The following SGCD variants were observed in gnomAD, a reference collection of about 807,000 sequenced individuals.
SGCD encodes sarcoglycan delta.
Under a neutral mutation model 36.6 loss-of-function variants are expected in SGCD, and 18 were observed. The observed-to-expected ratio is 0.49, with a 90% CI of 0.34 to 0.73. SGCD has a LOEUF of 0.73. Among genes scored for constraint, SGCD ranks in the 30% least tolerant of loss-of-function variants. The pLI is 0.01. For synonymous variants in SGCD, 133 were observed against 130.6 expected, an observed-to-expected ratio of 1.02 and a Z score of -0.12; for missense variants, 387 against 346.7, an observed-to-expected ratio of 1.12 and a Z score of -0.92.
chr5:156,678,469 A>T (rs918054936), intron 7 of SGCD, among the ~76,000 whole-genome samples: 3 of 152,240 alleles, frequency 2.0e-5, no homozygotes, highest in African/African-American at 7.2e-5. Flanking sequence ...AAGGTTTTAG[A>T]TAAATACATA....
chr5:156,686,623 G>A (rs1468851431), intron 7 of SGCD, among the ~76,000 whole-genome samples: 1 of 152,198 alleles, frequency 6.6e-6, no homozygotes, highest in Non-Finnish European at 1.5e-5. Context: ...TTACTCAGAT[G>A]CTGACAGGTT....
At chr5:156,606,202 C>T (rs1761444853) in intron 6 of SGCD, among the ~76,000 whole-genome samples, 1 of 152,092 alleles carries the variant, frequency 6.6e-6, no homozygotes, top group Admixed American at 6.5e-5. Flanking sequence ...GTCTTTAATC[C>T]ATCTTGAATT....
At chr5:156,186,812 C>A (rs546922657) in intron 3 of SGCD, among the ~76,000 whole-genome samples, 1 of 152,158 alleles carries the variant, frequency 6.6e-6, no homozygotes, top group Non-Finnish European at 1.5e-5. Flanking sequence ...CTTTTCCTCC[C>A]AATAAGGAAT....
intron 4 of SGCD, among the ~76,000 whole-genome samples, chr5:156,541,062 G>A (rs547080375): frequency 6.6e-6 from 1 of 152,272 alleles, no homozygotes; most frequent in Non-Finnish European, 1.5e-5. Context: ...ACAGAAGCTA[G>A]CCATGGCAAG....
chr5:155,761,592 ATCTCCATCACCC>A, the SGCD span, among the ~76,000 whole-genome samples: 1 of 85,508 alleles, frequency 1.2e-5, no homozygotes, highest in Non-Finnish European at 2.4e-5. Context: ...CCTCTCCATC[ATCTCCATCACCC>A]TCTCCATCAT....
intron 3 of SGCD, among the ~76,000 whole-genome samples, chr5:156,356,160 T>C (rs1769481952): frequency 6.6e-6 from 1 of 152,192 alleles, no homozygotes; most frequent in South Asian, 2.1e-4. Flanking sequence ...CCCCAAAACT[T>C]AGTGGCTTAA....
intron 6 of SGCD, among the ~76,000 whole-genome samples, chr5:156,632,854 G>A (rs1419539394): frequency 6.6e-6 from 1 of 152,130 alleles, no homozygotes; most frequent in African/African-American, 2.4e-5. Flanking sequence ...GATGGGGGAG[G>A]CATATATGAT....
chr5:156,288,451 T>G (rs911102667), intron 3 of SGCD, among the ~76,000 whole-genome samples: 1 of 152,198 alleles, frequency 6.6e-6, no homozygotes, highest in African/African-American at 2.4e-5. Context: ...CTATTCTGAA[T>G]GTTTATGTTT....
the SGCD span, among the ~76,000 whole-genome samples, chr5:155,848,218 T>A: frequency 3.9e-5 from 6 of 152,192 alleles, no homozygotes; most frequent in Non-Finnish European, 7.4e-5. Context: ...AATAAGGCAG[T>A]GTAAGAGGAC....
intron 3 of SGCD, among the ~76,000 whole-genome samples, chr5:156,127,912 A>T (rs996618226): frequency 6.6e-6 from 1 of 151,312 alleles, no homozygotes; most frequent in Admixed American, 6.6e-5. Flanking sequence ...CAAAAGCTAG[A>T]ATACCTTTGT....
intron 4 of SGCD, among the ~76,000 whole-genome samples, chr5:156,538,551 A>G (rs968098794): frequency 9.2e-5 from 14 of 152,112 alleles, no homozygotes; most frequent in African/African-American, 3.4e-4. Flanking sequence ...GCAAGTTTGT[A>G]GACTTAATTT....
chr5:155,792,237 A>G, the SGCD span, among the ~76,000 whole-genome samples: 1 of 152,096 alleles, frequency 6.6e-6, no homozygotes, highest in African/African-American at 2.4e-5. Context: ...ACCTTTCACC[A>G]TATATAAAAA....
At chr5:155,866,292 C>T (rs943768651), upstream of SGCD, among the ~76,000 whole-genome samples, 1 of 152,110 alleles carries the variant, frequency 6.6e-6, no homozygotes, top group Non-Finnish European at 1.5e-5. Context: ...ACAATGATCC[C>T]TAGTATAGTT....
intron 3 of SGCD, among the ~76,000 whole-genome samples, chr5:156,395,767 A>G (rs575715575): frequency 4.7e-4 from 72 of 152,306 alleles, no homozygotes; most frequent in East Asian, 9.6e-4. Context: ...AGACACATAT[A>G]TATCTGTCTG....
intron 3 of SGCD, among the ~76,000 whole-genome samples, chr5:156,135,465 T>C (rs548343970): frequency 1.3e-5 from 2 of 152,298 alleles, no homozygotes; most frequent in East Asian, 3.9e-4. Context: ...CACTAATTAA[T>C]TCTAGCTCAG....
At chr5:155,860,893 T>C in the SGCD span, among the ~76,000 whole-genome samples, 1 of 152,234 alleles carries the variant, frequency 6.6e-6, no homozygotes, top group African/African-American at 2.4e-5. Flanking sequence ...AGCTCTAAAG[T>C]ATAATGCAAG....
chr5:155,732,394 G>A, the SGCD span, among the ~76,000 whole-genome samples: 2 of 152,184 alleles, frequency 1.3e-5, no homozygotes, highest in African/African-American at 2.4e-5. Flanking sequence ...ATTATGTACC[G>A]TGGTAGCTGC....
upstream of SGCD, among the ~76,000 whole-genome samples, chr5:155,866,218 C>T (rs1755521916): frequency 6.6e-6 from 1 of 152,112 alleles, no homozygotes. Context: ...TTCCCCCTCC[C>T]TCCATCTCTT....
At chr5:156,429,265 C>CTTTTTT (rs3074973) in intron 3 of SGCD, among the ~76,000 whole-genome samples, 5 of 123,774 alleles carry the variant, frequency 4.0e-5, no homozygotes, top group Admixed American at 8.2e-5. Context: ...CCCTCATTGT[C>CTTTTTT]TTTTTTTTTT....
Sources: allele counts gnomAD v4.1 joint callset (sites outside exome capture counted in the v4.1 genomes callset), GRCh38; gene constraint gnomAD v4.1.1; transcripts MANE v1.5; gene names NCBI Gene and HGNC (gene_info 2026-07-23, HGNC 2026-07-21).